Variants in NPY2R observed in about 807,000 individuals in gnomAD.
The protein encoded by NPY2R is neuropeptide Y receptor Y2, also known as neuropeptide Y receptor type 2.
Under a neutral mutation model 22.3 loss-of-function variants are expected in NPY2R, and 17 were observed. The ratio of observed to expected loss-of-function variants is 0.76; its 90% CI spans 0.52 to 1.14. The LOEUF (loss-of-function observed/expected upper bound fraction) is 1.14. NPY2R is among the 50% of genes most tolerant of loss of function. The pLI is 0.00. For missense variants in NPY2R, 424 were observed against 467.9 expected (o/e 0.91, Z 0.87); for synonymous variants, 209 against 183.4 (o/e 1.14, Z -1.13).
the NPY2R span, among the ~76,000 whole-genome samples, chr4:155,188,259 A>T: frequency 6.6e-6 from 1 of 152,112 alleles, no homozygotes; most frequent in Admixed American, 6.6e-5. Flanking sequence ...CCCTAACCTC[A>T]TTCCCCATAC....
the NPY2R span, among the ~76,000 whole-genome samples, chr4:155,192,925 C>T: frequency 6.6e-6 from 1 of 151,808 alleles, no homozygotes; most frequent in East Asian, 1.9e-4. Flanking sequence ...GATTTCCATT[C>T]ATCTGGAATA....
At chr4:155,181,381 T>G in the NPY2R span, among the ~76,000 whole-genome samples, 1 of 152,152 alleles carries the variant, frequency 6.6e-6, no homozygotes, top group Non-Finnish European at 1.5e-5. Flanking sequence ...TTCAAAGAGT[T>G]AGGGAGAAAT....
At chr4:155,187,451 C>CT in the NPY2R span, among the ~76,000 whole-genome samples, 1 of 151,948 alleles carries the variant, frequency 6.6e-6, no homozygotes, top group Non-Finnish European at 1.5e-5. Flanking sequence ...GAATGAGACT[C>CT]TAAGAAAGAC....
At chr4:155,187,132 TCA>T in the NPY2R span, among the ~76,000 whole-genome samples, 3 of 152,182 alleles carry the variant, frequency 2.0e-5, no homozygotes, top group Non-Finnish European at 4.4e-5. Context: ...AAGGTTTTTC[TCA>T]GTTACAGATG....
the NPY2R span, among the ~76,000 whole-genome samples, chr4:155,185,541 A>G: frequency 0.088 from 13,431 of 152,202 alleles, 868 homozygotes; most frequent in South Asian, 0.28. Context: ...TACTGTTAGT[A>G]GTAATTAAGA....
chr4:155,215,106 G>C lies in NPY2R; in HGVS notation c.*21G>C. The C allele has an allele frequency of 6.2e-7, 1 of 1,604,774 alleles. No individual in the cohort carries two copies. The highest frequency in any genetic ancestry group is 8.5e-7 in the Non-Finnish European group (1 of 1,173,090). The stretch of plus-strand genomic sequence containing the variant: ...TCTAAGGAAGCTGTGGTGTGAAAAT[G>C]TATGGATGAATTCTGACCAGAGCTA... On this transcript the variant is annotated 3_prime_UTR_variant, in exon 2 of 2. Coordinates refer to ENST00000329476, the MANE Select transcript of NPY2R (RefSeq NM_000910.4).
upstream of NPY2R, among the ~76,000 whole-genome samples, chr4:155,204,303 T>C (rs184755657): frequency 5.9e-4 from 90 of 152,288 alleles, no homozygotes; most frequent in Middle Eastern, 3.4e-3. Flanking sequence ...TTCCTCCTGA[T>C]TTAGTTTCCC....
intron 1 of NPY2R, among the ~76,000 whole-genome samples, chr4:155,212,720 T>G (rs112469967): frequency 2.2e-3 from 332 of 152,330 alleles, no homozygotes; most frequent in African/African-American, 7.3e-3. Flanking sequence ...AAACCAATGT[T>G]GTAGAAACGA....
chr4:155,189,093 C>G, the NPY2R span, among the ~76,000 whole-genome samples: 2 of 152,038 alleles, frequency 1.3e-5, no homozygotes, highest in Non-Finnish European at 2.9e-5. Flanking sequence ...AATCACTGTT[C>G]TAAGTCACAT....
rs368651795 is a variant in NPY2R, at chr4:155,214,267, T to C, written c.328T>C (p.Tyr110His). 7.4e-5 allele frequency: 119 copies of C among 1,614,028 alleles called. No homozygotes were observed. The highest frequency in any genetic ancestry group is 1.0e-4 in the Non-Finnish European group (118 of 1,179,998). The change falls in exon 2 of 2, where the codon TAT (tyrosine) becomes CAT (histidine). Residue 110 changes from tyrosine (Y) to histidine (H), a missense_variant. Tyr to His is a moderately conservative substitution (Grantham distance 83). Coordinates refer to ENST00000329476, the MANE Select transcript of NPY2R (RefSeq NM_000910.4). ...NTLCLPFTLT[Y>H]TLMGEWKMGP... ...TCTGTGTCTACCGTTCACTCTTACC[T>C]ATACCTTAATGGGGGAGTGGAAAAT... is the stretch of plus-strand genomic sequence containing the variant.
Position 155,215,080 on chromosome 4 carries a change from G to C in NPY2R, c.1141G>C (p.Val381Leu). Residue 381 changes from valine to leucine, a missense_variant, in exon 2 of 2, where the codon GTC (valine) becomes CTC (leucine). Transcript: ENST00000329476. ...TGACTCTTTCACAGAGGCTACCAATGTCTAAGGAAGCTGTGGTGTGAAAAT... is the reference window on the plus strand; with the variant it reads ...TGACTCTTTCACAGAGGCTACCAATCTCTAAGGAAGCTGTGGTGTGAAAAT... ...PNDSFTEATN[V>L] The C allele has an allele frequency of 1.9e-6, 3 of 1,612,454 alleles. No homozygotes were observed. Among genetic ancestry groups the C allele is most frequent in the Non-Finnish European group, 2.5e-6 (3 of 1,179,836 alleles).
chr4:155,188,661 A>T, the NPY2R span, among the ~76,000 whole-genome samples: 1 of 152,230 alleles, frequency 6.6e-6, no homozygotes, highest in African/African-American at 2.4e-5. Flanking sequence ...GACCTATGTG[A>T]CAAGGGACTG....
chr4:155,181,418 C>T, the NPY2R span, among the ~76,000 whole-genome samples: 1 of 152,002 alleles, frequency 6.6e-6, no homozygotes, highest in African/African-American at 2.4e-5. Flanking sequence ...ATAGAATATG[C>T]CAACCATTCA....
At chr4:155,197,542 A>G in the NPY2R span, among the ~76,000 whole-genome samples, 1 of 151,922 alleles carries the variant, frequency 6.6e-6, no homozygotes, top group South Asian at 2.1e-4. Flanking sequence ...AAGCAGAACA[A>G]TTCAAAGAAC....
the NPY2R span, among the ~76,000 whole-genome samples, chr4:155,181,256 C>T: frequency 2.3e-3 from 345 of 152,276 alleles, 1 homozygote; most frequent in African/African-American, 7.9e-3. Flanking sequence ...CTTTTGATCT[C>T]ATTCACTAAA....
rs1729508317 is a variant in NPY2R at position 155,216,048 on chromosome 4, T to C, written c.*963T>C. The C allele has an allele frequency of 6.0e-6, 1 of 167,046 alleles. No individual in the cohort carries two copies. 10.3% of individuals were successfully genotyped at this position (167,046 alleles called of 1,614,324 possible). A position where few individuals can be genotyped will look rare whatever the true frequency, so the allele number is the denominator to read the frequency against. On this transcript the variant is annotated 3_prime_UTR_variant, in exon 2 of 2. Transcript: ENST00000329476. ...CTATTTTTGCACAGGTACATAGCTC[T>C]CATGTATTTAAAGAACACTGCAGTG...
At chr4:155,198,120 A>G in the NPY2R span, among the ~76,000 whole-genome samples, 44,149 of 151,834 alleles carry the variant, frequency 0.29, 6,859 homozygotes, top group East Asian at 0.52. Context: ...TGCAGTGCCT[A>G]ATAGATATTA....
intron 1 of NPY2R, among the ~76,000 whole-genome samples, chr4:155,212,494 C>A (rs555996450): frequency 6.6e-6 from 1 of 152,106 alleles, no homozygotes; most frequent in Admixed American, 6.5e-5. Flanking sequence ...CTTCACCCGG[C>A]AAAAACCCTA....
chr4:155,194,067 G>A, the NPY2R span, among the ~76,000 whole-genome samples: 368 of 151,616 alleles, frequency 2.4e-3, 6 homozygotes, highest in East Asian at 9.7e-4. Context: ...AGGGAAGTGA[G>A]TCTCTGACTT....
Sources: gnomAD v4.1 joint callset for allele counts (sites outside exome capture counted in the v4.1 genomes callset) on GRCh38, gnomAD v4.1.1 for gene constraint, MANE v1.5 for transcripts, NCBI Gene and HGNC (gene_info 2026-07-23, HGNC 2026-07-21) for gene names.